LONRF3: variants seen among roughly 807,000 people sequenced by gnomAD.
LONRF3 encodes LON peptidase N-terminal domain and ring finger 3.
Under a neutral mutation model 51.7 loss-of-function variants are expected in LONRF3, and 19 were observed. The ratio of observed to expected loss-of-function variants is 0.37; its 90% CI spans 0.26 to 0.54. The LOEUF (loss-of-function observed/expected upper bound fraction) is 0.54, where lower values mean the gene tolerates loss of function less well. LONRF3 is among the 20% of genes least tolerant of loss of function. LONRF3 has a pLI of 0.86. For synonymous variants in LONRF3, 265 were observed against 257.8 expected, an observed-to-expected ratio of 1.03 and a Z score of -0.27; for missense variants, 521 against 623.9, an observed-to-expected ratio of 0.84 and a Z score of 1.76.
At chrX:119,006,818 G>C (rs1213012936) in intron 6 of LONRF3, among the ~76,000 whole-genome samples, 1 of 111,517 alleles carries the variant, frequency 9.0e-6, no homozygotes, top group Non-Finnish European at 1.9e-5. Context: ...TGGATCTCCT[G>C]ACCTCATGAT....
intron 2 of LONRF3, among the ~76,000 whole-genome samples, chrX:118,979,071 G>A (rs1297491833): frequency 1.0e-5 from 1 of 99,474 alleles, no homozygotes; most frequent in Non-Finnish European, 2.0e-5. Context: ...CGCAATCTCG[G>A]CTCACTGCAA....
intron 5 of LONRF3, among the ~76,000 whole-genome samples, chrX:119,002,522 C>T (rs983185700): frequency 2.7e-5 from 3 of 111,725 alleles, no homozygotes; most frequent in Non-Finnish European, 5.6e-5. Flanking sequence ...TATCAGTTCT[C>T]TTATGGATGG....
At chrX:118,977,571 G>A (rs1316823556) in intron 1 of LONRF3, among the ~76,000 whole-genome samples, 1 of 112,480 alleles carries the variant, frequency 8.9e-6, no homozygotes. Flanking sequence ...AAGCTTCAAA[G>A]TCTGACCAGT....
At chrX:118,976,390 A>C (rs1165882446) in intron 1 of LONRF3, 1 of 113,514 alleles carries the variant, frequency 8.8e-6, no homozygotes, top group African/African-American at 3.2e-5. Context: ...CCTGTGACTC[A>C]TTGTCACCGC....
intron 3 of LONRF3, among the ~76,000 whole-genome samples, chrX:118,987,445 GTTTTTTTTTTTT>G (rs369180848): frequency 1.5e-4 from 5 of 32,304 alleles, no homozygotes; most frequent in Admixed American, 5.6e-4. Flanking sequence ...GCCTGGCTAA[GTTTTTTTTTTTT>G]TTTTTTTTTT....
chrX:119,013,891 G>A lies in LONRF3; in HGVS notation c.1975-316G>A, dbSNP rs769500262. 4.5e-5 allele frequency among the ~76,000 whole-genome samples: 5 copies of A among 112,143 alleles called. No individual in the cohort carries two copies. The South Asian group carries it at 1.9e-3, about 42-fold the overall frequency. On this transcript the variant is annotated intron_variant, in intron 9 of 10. Transcript: ENST00000371628. ...CAGATGTAAAAATGAAAAGGGCAAA[G>A]GCATGGACCAGCATAACCTGGTTTA...
chrX:118,983,821 A>G (rs1922751831), intron 3 of LONRF3, among the ~76,000 whole-genome samples: 1 of 112,206 alleles, frequency 8.9e-6, no homozygotes, highest in South Asian at 3.7e-4. Flanking sequence ...TGGTTTCTGA[A>G]GGCTCTAGAA....
In LONRF3 at chrX:118,989,369, C is replaced by T. The variant is rs769325975; in HGVS notation, c.1060-39C>T. The T allele has an allele frequency of 1.3e-5, 16 of 1,198,033 alleles. No individual in the cohort carries two copies. The East Asian group carries it at 4.8e-4, about 36-fold the overall frequency. On this transcript the variant is annotated intron_variant, in intron 3 of 10. Transcript: ENST00000371628. The stretch of plus-strand genomic sequence containing the variant: ...AGGAATATGAGAGGACAATATTAGT[C>T]CTAAGAAGATTCTGATATGTGGCCC...
intron 5 of LONRF3, among the ~76,000 whole-genome samples, chrX:118,995,704 A>G (rs1010310199): frequency 1.8e-5 from 2 of 112,382 alleles, no homozygotes; most frequent in East Asian, 2.8e-4. Context: ...CAAGGCTACT[A>G]TGAACACCTT....
Position 119,005,592 on chromosome X carries a change from A to C in LONRF3, c.1416-529A>C, listed in dbSNP as rs1191802227. Among the ~76,000 whole-genome samples, 2 of 112,294 alleles carry C rather than the reference A, an allele frequency of 1.8e-5. 1 individual carries two copies. The highest frequency in any genetic ancestry group is 3.8e-5 in the Non-Finnish European group (2 of 53,276). ...AGGCAGTTATGTTTGTTAGAGGTAC[A>C]ATTTTGATATCCTTCAGGCATTAAC... On this transcript the variant is annotated intron_variant, in intron 5 of 10. Transcript: ENST00000371628.
intron 5 of LONRF3, among the ~76,000 whole-genome samples, chrX:118,998,998 G>A (rs1924075137): frequency 8.9e-6 from 1 of 112,640 alleles, no homozygotes; most frequent in African/African-American, 3.2e-5. Flanking sequence ...GTGGGATCCA[G>A]CGAGCAGAAA....
chrX:119,009,519 G>C (rs933034856), intron 7 of LONRF3, among the ~76,000 whole-genome samples: 1 of 111,863 alleles, frequency 8.9e-6, no homozygotes, highest in African/African-American at 3.3e-5. Context: ...CAGTAACAGG[G>C]TATTGTTGGC....
intron 9 of LONRF3, 104 bp downstream of exon 9, chrX:119,013,305 G>A (rs1310165489): frequency 1.3e-5 from 11 of 822,376 alleles, no homozygotes; most frequent in South Asian, 2.7e-5. Context: ...AGGGCCTTGG[G>A]ATTTCACACC....
At chrX:119,002,235 T>C (rs1924368513) in intron 5 of LONRF3, among the ~76,000 whole-genome samples, 1 of 112,284 alleles carries the variant, frequency 8.9e-6, no homozygotes, top group South Asian at 3.7e-4. Context: ...CATATGCCTC[T>C]TCCCAATCAG....
intron 5 of LONRF3, among the ~76,000 whole-genome samples, chrX:118,991,792 T>A (rs1923446118): frequency 9.0e-6 from 1 of 111,626 alleles, no homozygotes. Flanking sequence ...GTTGTCATGA[T>A]TAATTGAGAA....
At chrX:119,015,539 A>G (rs1925385038) in intron 10 of LONRF3, among the ~76,000 whole-genome samples, 1 of 111,889 alleles carries the variant, frequency 8.9e-6, no homozygotes, top group Non-Finnish European at 1.9e-5. Context: ...CCTGTGACCC[A>G]GCTCCTGGCT....
At chrX:118,996,705 G>A (rs1923889123) in intron 5 of LONRF3, among the ~76,000 whole-genome samples, 1 of 111,062 alleles carries the variant, frequency 9.0e-6, no homozygotes, top group Admixed American at 9.6e-5. Flanking sequence ...GGCAGATCAC[G>A]AGGTCAGGAG....
Position 118,993,126 on chromosome X carries a change from C to CT in LONRF3, c.1415+2566_1415+2567insT, listed in dbSNP as rs757870723. Among the ~76,000 whole-genome samples, 7 of 110,697 alleles carry CT rather than the reference C, an allele frequency of 6.3e-5. No homozygotes were observed. The East Asian group carries it at 2.0e-3, about 31-fold the overall frequency. On this transcript the variant is annotated intron_variant, in intron 5 of 10. Transcript: ENST00000371628. The stretch of plus-strand genomic sequence containing the variant: ...AAAACAAGGTTATTCTAACACCCCC[C>CT]CCCAAAAACCACACTAGTTCACCAG...
chrX:119,010,661 C>G (rs1925039609), intron 7 of LONRF3, among the ~76,000 whole-genome samples: 1 of 111,173 alleles, frequency 9.0e-6, no homozygotes, highest in Non-Finnish European at 1.9e-5. Context: ...TGAACTTGAT[C>G]CTTTTGAGAT....
Sources: allele counts gnomAD v4.1 joint callset (sites outside exome capture counted in the v4.1 genomes callset), GRCh38; gene constraint gnomAD v4.1.1; transcripts MANE v1.5; gene names NCBI Gene and HGNC (gene_info 2026-07-23, HGNC 2026-07-21).